REDIC1: variants seen among roughly 807,000 people sequenced by gnomAD.
The protein encoded by REDIC1 is HEI10 Interacting Protein 1.
At chr12:39,797,752 A>G in the REDIC1 span, among the ~76,000 whole-genome samples, 5 of 152,028 alleles carry the variant, frequency 3.3e-5, no homozygotes, top group Non-Finnish European at 4.4e-5. Flanking sequence ...ACACACACAC[A>G]CACACACACA....
At chr12:39,795,239 T>C in the REDIC1 span, among the ~76,000 whole-genome samples, 1 of 152,118 alleles carries the variant, frequency 6.6e-6, no homozygotes, top group Non-Finnish European at 1.5e-5. Context: ...TAATGTTTCT[T>C]TGAGTTTCAT....
chr12:39,836,397 C>G, the REDIC1 span, among the ~76,000 whole-genome samples: 1 of 152,096 alleles, frequency 6.6e-6, no homozygotes, highest in Admixed American at 6.6e-5. Flanking sequence ...CAATCTCTAG[C>G]CTTTCTTTTC....
chr12:39,688,145 ACT>A, the REDIC1 span, among the ~76,000 whole-genome samples: 3 of 152,320 alleles, frequency 2.0e-5, no homozygotes, highest in East Asian at 1.9e-4. Context: ...TATGCACTAG[ACT>A]CTGCAAGGTA....
chr12:39,647,998 C>A, the REDIC1 span: 1 of 1,380,672 alleles, frequency 7.2e-7, no homozygotes, highest in East Asian at 2.6e-5. Flanking sequence ...ATCATTAGTT[C>A]TTAGCATTTT....
the REDIC1 span, among the ~76,000 whole-genome samples, chr12:39,842,350 A>G: frequency 6.6e-6 from 1 of 152,068 alleles, no homozygotes; most frequent in African/African-American, 2.4e-5. Flanking sequence ...AAGCTAAGAG[A>G]CTTGCTCATG....
chr12:39,838,134 A>T, the REDIC1 span, among the ~76,000 whole-genome samples: 1 of 147,992 alleles, frequency 6.8e-6, no homozygotes, highest in South Asian at 2.2e-4. Context: ...AATGTGGCAC[A>T]TATACACCAT....
the REDIC1 span, chr12:39,647,796 A>G: frequency 1.3e-6 from 2 of 1,522,294 alleles, no homozygotes; most frequent in Non-Finnish European, 1.8e-6. Flanking sequence ...CTATAGTCAC[A>G]AGGCATGGAC....
the REDIC1 span, chr12:39,720,905 A>T: frequency 1.2e-5 from 20 of 1,613,484 alleles, no homozygotes; most frequent in African/African-American, 2.7e-4. Context: ...CTTTCAGGTG[A>T]CAGGATTGTT....
the REDIC1 span, among the ~76,000 whole-genome samples, chr12:39,664,228 C>A: frequency 2.3e-5 from 3 of 129,732 alleles, no homozygotes; most frequent in Non-Finnish European, 3.3e-5. Flanking sequence ...CTATACCCTC[C>A]CCCCACCCCA....
the REDIC1 span, among the ~76,000 whole-genome samples, chr12:39,633,911 A>AGTTT: frequency 6.6e-6 from 1 of 152,154 alleles, no homozygotes; most frequent in African/African-American, 2.4e-5. Context: ...TATATTAAAA[A>AGTTT]GTTTGTTTTT....
the REDIC1 span, chr12:39,650,148 G>A: frequency 5.6e-6 from 7 of 1,239,672 alleles, no homozygotes; most frequent in African/African-American, 7.9e-5. This position sits in a 1 kb window ranked among gnomAD's most constrained non-coding sequence, Gnocchi z 4.3. Context: ...TATAAATGTA[G>A]TTCATTTACA....
At chr12:39,626,222 G>T in the REDIC1 span, 1 of 1,125,392 alleles carries the variant, frequency 8.9e-7, no homozygotes, top group South Asian at 1.4e-5. Flanking sequence ...GAGCTTACTC[G>T]GGCCCTGACG....
chr12:39,680,492 G>A, the REDIC1 span, among the ~76,000 whole-genome samples: 3 of 152,112 alleles, frequency 2.0e-5, no homozygotes, highest in African/African-American at 4.8e-5. Context: ...TGTTGGCATG[G>A]ATGTGGTGAA....
the REDIC1 span, among the ~76,000 whole-genome samples, chr12:39,811,497 A>G: frequency 2.6e-5 from 4 of 152,104 alleles, no homozygotes; most frequent in Non-Finnish European, 4.4e-5. Flanking sequence ...CGTTCTTGAT[A>G]TGTTATAATT....
chr12:39,760,299 G>C, the REDIC1 span: 1 of 1,507,750 alleles, frequency 6.6e-7, no homozygotes, highest in Non-Finnish European at 9.0e-7. Flanking sequence ...TATAGAGAGA[G>C]GCTTAAGTTG....
the REDIC1 span, among the ~76,000 whole-genome samples, chr12:39,794,410 C>CTCT: frequency 3.3e-5 from 5 of 152,154 alleles, no homozygotes; most frequent in Non-Finnish European, 7.4e-5. Context: ...CTAGAGCTGC[C>CTCT]TCTTTACATA....
At chr12:39,811,560 TA>T in the REDIC1 span, among the ~76,000 whole-genome samples, 2 of 152,192 alleles carry the variant, frequency 1.3e-5, no homozygotes, top group African/African-American at 2.4e-5. Context: ...TGTCCTTTTT[TA>T]CAGCATGGGT....
At chr12:39,725,663 T>C in the REDIC1 span, among the ~76,000 whole-genome samples, 1 of 152,004 alleles carries the variant, frequency 6.6e-6, no homozygotes, top group African/African-American at 2.4e-5. Flanking sequence ...GCTTTCTGTG[T>C]CATGCACATT....
chr12:39,830,537 C>T, the REDIC1 span: 5 of 1,036,796 alleles, frequency 4.8e-6, no homozygotes, highest in Admixed American at 2.4e-4. Flanking sequence ...CTTTCCTAAA[C>T]CACTGAGATT....
Sources: allele counts gnomAD v4.1 joint callset (sites outside exome capture counted in the v4.1 genomes callset), GRCh38; gene constraint gnomAD v4.1.1; non-coding constraint Gnocchi (gnomAD v3.1); transcripts MANE v1.5; gene names NCBI Gene and HGNC (gene_info 2026-07-23, HGNC 2026-07-21).